ANK2: variants seen among roughly 807,000 people sequenced by gnomAD.
ANK2 encodes ankyrin-2.
ANK2 carries 83 observed loss-of-function variants against 360.5 expected under a neutral mutation model. The ratio of observed to expected loss-of-function variants is 0.23; its 90% confidence interval spans 0.19 to 0.28. ANK2 has a LOEUF of 0.28. Among genes scored for constraint, ANK2 ranks in the 10% least tolerant of loss-of-function variants. ANK2 has a pLI of 1.00. For synonymous variants in ANK2, 1,740 were observed against 1,759.5 expected, an observed-to-expected ratio of 0.99 and a Z score of 0.28; for missense variants, 4,201 against 4,795.7, an observed-to-expected ratio of 0.88 and a Z score of 3.66.
intron 1 of ANK2, among the ~76,000 whole-genome samples, chr4:112,855,094 A>G (rs913790786): frequency 6.6e-6 from 1 of 152,140 alleles, no homozygotes; most frequent in Non-Finnish European, 1.5e-5. Context: ...TTGCACTGTT[A>G]ATAGGAGTAT....
chr4:112,862,322 T>G (rs2068384368), intron 1 of ANK2, among the ~76,000 whole-genome samples: 1 of 152,260 alleles, frequency 6.6e-6, no homozygotes, highest in African/African-American at 2.4e-5. Flanking sequence ...TAGCATCTAA[T>G]TATTGCCCTT....
chr4:113,341,717 A>G lies in ANK2; in HGVS notation c.3923A>G (p.Gln1308Arg), dbSNP rs767758503. 11 of 1,614,064 alleles carry G rather than the reference A, an allele frequency of 6.8e-6. No individual in the cohort carries two copies. The highest frequency in any genetic ancestry group is 9.3e-6 in the Non-Finnish European group (11 of 1,180,026). ...RFWLIDCRQIQESVTFASQVY... is the reference protein window; with the variant it reads ...RFWLIDCRQIRESVTFASQVY... ...TGGCTGATAGATTGTCGACAGATCC[A>G]GGAATCCGTTACTTTTGCATCACAA... The change falls in exon 33 of 46, where the codon CAG (glutamine) becomes CGG (arginine). Residue 1308 changes from glutamine to arginine, a missense_variant. Around this residue, in one of 4 missense-constraint regions of ANK2, gnomAD observed 1,268 missense variants for 1,650.8 expected, o/e 0.77. Coordinates refer to ENST00000357077, the MANE Select transcript of ANK2 (RefSeq NM_001148.6).
chr4:113,136,123 C>G (rs2096393250), intron 1 of ANK2, among the ~76,000 whole-genome samples: 1 of 152,040 alleles, frequency 6.6e-6, no homozygotes, highest in Admixed American at 6.6e-5. Context: ...AGTCAGTAAT[C>G]AATTATGAGT....
chr4:113,060,492 C>G (rs533346533), intron 1 of ANK2, among the ~76,000 whole-genome samples: 1 of 151,932 alleles, frequency 6.6e-6, no homozygotes, highest in East Asian at 1.9e-4. Flanking sequence ...AGCTCCTAAA[C>G]GAGCTATCCC....
the ANK2 span, among the ~76,000 whole-genome samples, chr4:112,799,695 T>G: frequency 6.6e-6 from 1 of 151,892 alleles, no homozygotes; most frequent in African/African-American, 2.4e-5. Context: ...TTTTGTATTT[T>G]TAGTAGAGAC....
In ANK2 at chr4:112,875,190, T is replaced by C. The variant is rs182141663; in HGVS notation, c.-39-29265T>C. On this transcript the variant is annotated intron_variant, in intron 1 of 30. Transcript: ENST00000503271. ...GTGGGCGCCACCATGCCCAAGGTTT[T>C]TGTAGTTTTAGTAGAGATGGGTTTT... Among the ~76,000 whole-genome samples the C allele has an allele frequency of 3.1e-3, 467 of 152,262 alleles. 1 individual carries two copies. The highest frequency in any genetic ancestry group is 4.8e-3 in the Non-Finnish European group (325 of 68,018).
intron 9 of ANK2, among the ~76,000 whole-genome samples, chr4:113,242,608 T>A (rs2040585268): frequency 6.6e-6 from 1 of 152,222 alleles, no homozygotes; most frequent in African/African-American, 2.4e-5. Flanking sequence ...TTTACAATCT[T>A]TTGCTTCTAA....
intron 2 of ANK2, among the ~76,000 whole-genome samples, chr4:113,193,146 T>A (rs2098697804): frequency 6.6e-6 from 1 of 152,252 alleles, no homozygotes; most frequent in East Asian, 1.9e-4. Flanking sequence ...CCAGATCTCA[T>A]TGTAAATATT....
At chr4:113,135,933 T>C (rs1485796326) in intron 1 of ANK2, among the ~76,000 whole-genome samples, 1 of 152,186 alleles carries the variant, frequency 6.6e-6, no homozygotes, top group Admixed American at 6.5e-5. Context: ...TCTCGGAGAT[T>C]CATTAAAGCA....
intron 1 of ANK2, among the ~76,000 whole-genome samples, chr4:113,076,390 C>T (rs908327976): frequency 2.6e-5 from 4 of 152,200 alleles, no homozygotes; most frequent in East Asian, 1.9e-4. Context: ...ACTAAAGCTA[C>T]GCACCAGGCT....
chr4:112,809,849 A>G, the ANK2 span, among the ~76,000 whole-genome samples: 1 of 149,328 alleles, frequency 6.7e-6, no homozygotes, highest in Non-Finnish European at 1.5e-5. Flanking sequence ...TAAACCAAAA[A>G]CACAAAAATT....
the ANK2 span, chr4:112,788,892 A>C: frequency 8.8e-6 from 6 of 679,548 alleles, no homozygotes; most frequent in Non-Finnish European, 1.3e-5. Flanking sequence ...GGGCTGCGGG[A>C]GGAGAGAGTT....
chr4:112,957,471 C>G (rs968791248), intron 2 of ANK2, among the ~76,000 whole-genome samples: 12 of 152,378 alleles, frequency 7.9e-5, no homozygotes, highest in African/African-American at 2.4e-4. Context: ...GCCTTTCCCC[C>G]CTTTCTATTC....
chr4:112,760,796 T>TTTC, the ANK2 span, among the ~76,000 whole-genome samples: 4 of 151,334 alleles, frequency 2.6e-5, no homozygotes, highest in African/African-American at 4.9e-5. Flanking sequence ...TTATTATGTA[T>TTTC]TTCTTCTTCT....
rs767395287 is a variant in ANK2 at position 113,358,720 on chromosome 4, G to A, written c.10102G>A (p.Val3368Ile). The A allele has an allele frequency of 5.6e-6, 9 of 1,613,950 alleles. No homozygotes were observed. Among genetic ancestry groups the A allele is most frequent in the Admixed American group, 1.7e-5 (1 of 59,996 alleles). The change falls in exon 38 of 46, where the codon GTC (valine) becomes ATC (isoleucine). Residue 3368 changes from valine (V) to isoleucine (I), a missense_variant. This residue lies in a region of ANK2 where 2,642 missense variants were observed against 2,714.5 expected (regional missense o/e 0.97). Transcript: ENST00000357077. ...GCAGCTCTCAGATCTAGACACCTCT[G>A]TCCAGAAGACAGTGGCTCCTCAGGG... ...EQQLSDLDTS[V>I]QKTVAPQGQD...
intron 1 of ANK2, among the ~76,000 whole-genome samples, chr4:113,164,200 G>A (rs1218463299): frequency 6.6e-6 from 1 of 152,118 alleles, no homozygotes; most frequent in African/African-American, 2.4e-5. Context: ...AGAGTCAGAT[G>A]GTCACAGTGT....
intron 2 of ANK2, among the ~76,000 whole-genome samples, chr4:113,186,598 TCTCTCTCTCC>T (rs2098533009): frequency 1.6e-5 from 2 of 121,368 alleles, no homozygotes; most frequent in Admixed American, 1.9e-4. Flanking sequence ...TCTCTCTCTC[TCTCTCTCTCC>T]CTCACTCACT....
At position 113,383,360 on chromosome 4, in the gene ANK2, C is replaced by G. The variant is rs1564275126; in HGVS notation, c.*1889C>G. ...TAGGAAATGAGACATTCTTTGGCAG[C>G]CAAAATAAGAGAGGCCGATGGTGAA... On this transcript the variant is annotated 3_prime_UTR_variant, in exon 46 of 46. Transcript: ENST00000357077. 6.6e-6 allele frequency: 1 copy of G among 152,570 alleles called. No homozygotes were observed. Among genetic ancestry groups the G allele is most frequent in the Non-Finnish European group, 1.5e-5 (1 of 68,040 alleles). The allele number at this position is 152,570 out of a possible 1,614,324, so 9.5% of individuals were successfully genotyped here.
chr4:112,991,063 A>G (rs868144745), intron 2 of ANK2, among the ~76,000 whole-genome samples: 2 of 152,104 alleles, frequency 1.3e-5, no homozygotes, highest in Non-Finnish European at 2.9e-5. Flanking sequence ...CATCCTGGCC[A>G]ACATGGTGAA....
Sources: allele counts gnomAD v4.1 joint callset (sites outside exome capture counted in the v4.1 genomes callset), GRCh38; gene constraint gnomAD v4.1.1; regional missense constraint gnomAD v4.1.1; transcripts MANE v1.5; gene names NCBI Gene and HGNC (gene_info 2026-07-23, HGNC 2026-07-21).